Variants in FHIT observed in about 807,000 individuals in gnomAD.
FHIT encodes the protein bis(5'-adenosyl)-triphosphatase.
In FHIT, 19 loss-of-function variants were observed where a neutral mutation model predicts 17.9. The ratio of observed to expected loss-of-function variants is 1.06; its 90% CI spans 0.74 to 1.56. The LOEUF is 1.56. Among genes scored for constraint, FHIT ranks in the 40% most tolerant of loss-of-function variants. The pLI is 0.00. For missense variants in FHIT, 248 were observed against 189.2 expected (o/e 1.31, Z -1.82); for synonymous variants, 81 against 69.7 (o/e 1.16, Z -0.81).
At chr3:59,911,863 A>G (rs1011026521) in intron 8 of FHIT, among the ~76,000 whole-genome samples, 1 of 152,182 alleles carries the variant, frequency 6.6e-6, no homozygotes, top group African/African-American at 2.4e-5. Flanking sequence ...TCAGCTCAAC[A>G]GTCATTTCTT....
chr3:61,210,210 G>A (rs1332008952), intron 1 of FHIT, among the ~76,000 whole-genome samples: 1 of 152,186 alleles, frequency 6.6e-6, no homozygotes, highest in Non-Finnish European at 1.5e-5. Context: ...GTGTTAGAAC[G>A]CCCCTAGTGC....
At chr3:60,160,415 C>A (rs1375597278) in intron 5 of FHIT, among the ~76,000 whole-genome samples, 1 of 152,136 alleles carries the variant, frequency 6.6e-6, no homozygotes, top group African/African-American at 2.4e-5. Flanking sequence ...ATTTTTAGAG[C>A]ATTCTTCCTA....
intron 5 of FHIT, among the ~76,000 whole-genome samples, chr3:60,157,123 T>G (rs1311281072): frequency 6.6e-6 from 1 of 152,222 alleles, no homozygotes; most frequent in Non-Finnish European, 1.5e-5. Context: ...ATTGATTTAT[T>G]AAGTGCACAT....
At chr3:60,636,978 GCTTC>G (rs1373023126) in intron 4 of FHIT, among the ~76,000 whole-genome samples, 6 of 152,110 alleles carry the variant, frequency 3.9e-5, no homozygotes, top group Non-Finnish European at 7.4e-5. Flanking sequence ...GGCTGGTGGG[GCTTC>G]CTTCCATTTC....
At chr3:60,754,560 G>A (rs182131242) in intron 4 of FHIT, among the ~76,000 whole-genome samples, 15 of 152,254 alleles carry the variant, frequency 9.9e-5, no homozygotes, top group Non-Finnish European at 2.2e-4. Context: ...GAACACAGGA[G>A]GCAGAGGTTG....
chr3:61,156,392 C>T (rs1236464568), intron 2 of FHIT, among the ~76,000 whole-genome samples: 1 of 151,664 alleles, frequency 6.6e-6, no homozygotes, highest in African/African-American at 2.4e-5. Context: ...TAAGGGAGGC[C>T]CCGGTTATCC....
At chr3:60,259,463 C>T (rs1049299419) in intron 5 of FHIT, among the ~76,000 whole-genome samples, 2 of 152,000 alleles carry the variant, frequency 1.3e-5, no homozygotes, top group Non-Finnish European at 2.9e-5. Context: ...CGGAAGGCTA[C>T]AAAACATCAA....
intron 5 of FHIT, among the ~76,000 whole-genome samples, chr3:60,477,100 CT>C (rs35534111): frequency 0.032 from 4,848 of 152,074 alleles, 176 homozygotes; most frequent in East Asian, 0.11. Context: ...CAATCACCAC[CT>C]TTTTTTCCTA....
chr3:60,738,032 G>A (rs1391530058), intron 4 of FHIT, among the ~76,000 whole-genome samples: 1 of 152,158 alleles, frequency 6.6e-6, no homozygotes, highest in Non-Finnish European at 1.5e-5. Context: ...CTTGAGAATT[G>A]TAGAGTACCT....
intron 5 of FHIT, among the ~76,000 whole-genome samples, chr3:60,436,443 C>T (rs958333847): frequency 2.6e-5 from 4 of 152,032 alleles, no homozygotes; most frequent in Non-Finnish European, 4.4e-5. Context: ...TGCAGTGTGC[C>T]CATCATGCCA....
chr3:60,419,434 C>G (rs1417204131), intron 5 of FHIT, among the ~76,000 whole-genome samples: 2 of 152,186 alleles, frequency 1.3e-5, no homozygotes, highest in East Asian at 3.9e-4. Flanking sequence ...CTGTGTCTCT[C>G]TGCTTCCTCC....
chr3:60,727,542 C>T (rs578106036), intron 4 of FHIT, among the ~76,000 whole-genome samples: 8 of 152,228 alleles, frequency 5.3e-5, no homozygotes, highest in Admixed American at 1.3e-4. Flanking sequence ...ATGTTAATGA[C>T]GCAGGAGCCC....
chr3:60,797,620 G>C (rs1701030137), intron 4 of FHIT, among the ~76,000 whole-genome samples: 2 of 150,818 alleles, frequency 1.3e-5, no homozygotes, highest in Non-Finnish European at 2.9e-5. Context: ...GGCATATTTT[G>C]CATTATTAAA....
At chr3:60,636,804 T>C (rs1553684012) in intron 4 of FHIT, among the ~76,000 whole-genome samples, 1 of 152,192 alleles carries the variant, frequency 6.6e-6, no homozygotes, top group Admixed American at 6.5e-5. Context: ...GGAGAAGGTT[T>C]TCTCTTGGTC....
intron 5 of FHIT, among the ~76,000 whole-genome samples, chr3:60,159,923 G>T (rs79752248): frequency 3.3e-5 from 5 of 152,254 alleles, no homozygotes; most frequent in Admixed American, 3.3e-4. Context: ...ATGAGCAAAC[G>T]AGAGTCATAA....
chr3:60,714,233 A>G (rs140366756), intron 4 of FHIT, among the ~76,000 whole-genome samples: 6 of 152,100 alleles, frequency 3.9e-5, no homozygotes, highest in Admixed American at 1.3e-4. Context: ...AAATTCAACA[A>G]CCCTTCATGC....
intron 3 of FHIT, among the ~76,000 whole-genome samples, chr3:61,019,685 T>C (rs1469553141): frequency 6.6e-6 from 1 of 152,162 alleles, no homozygotes; most frequent in Non-Finnish European, 1.5e-5. Flanking sequence ...CACAGATTCT[T>C]TTCTCTATGG....
chr3:60,030,553 T>C (rs1281738579), intron 5 of FHIT, among the ~76,000 whole-genome samples: 1 of 152,226 alleles, frequency 6.6e-6, no homozygotes, highest in Non-Finnish European at 1.5e-5. Context: ...ATAGCTTATA[T>C]CAATCTTGAA....
chr3:60,460,081 T>TC lies in FHIT; in HGVS notation c.103+76778dup, dbSNP rs1456968272. ...AGTCCTCCTCTCCACAACCCTCTTT[T>TC]CAGAAGTTCGTAACTGGCATATTCA... On this transcript the variant is annotated intron_variant, in intron 5 of 9. Transcript: ENST00000492590. Among the ~76,000 whole-genome samples, 5 of 152,150 alleles carry TC rather than the reference T, an allele frequency of 3.3e-5. No homozygotes were observed. The East Asian group carries it at 9.6e-4, about 29-fold the overall frequency.
Sources: gnomAD v4.1 joint callset for allele counts (sites outside exome capture counted in the v4.1 genomes callset) on GRCh38, gnomAD v4.1.1 for gene constraint, MANE v1.5 for transcripts, NCBI Gene and HGNC (gene_info 2026-07-23, HGNC 2026-07-21) for gene names.